The following AGBL4 variants were observed in gnomAD, a reference collection of about 807,000 sequenced individuals.
AGBL4 encodes the protein cytosolic carboxypeptidase 6.
Under a neutral mutation model 66.4 loss-of-function variants are expected in AGBL4, and 58 were observed. That is an observed-to-expected ratio of 0.87 (90% confidence interval 0.71 to 1.09). AGBL4 has a LOEUF of 1.09. Ranked by LOEUF, AGBL4 falls within the 50% of genes least tolerant of loss-of-function variation. The probability of loss-of-function intolerance (pLI) is 0.00; values close to 1 mark genes in which losing one functional copy is unlikely to be tolerated. For synonymous variants in AGBL4, 234 were observed against 222.9 expected (o/e 1.05, Z -0.44); for missense variants, 579 against 631.0 (o/e 0.92, Z 0.88).
intron 6 of AGBL4, among the ~76,000 whole-genome samples, chr1:48,825,351 A>T (rs1220585145): frequency 6.6e-6 from 1 of 152,120 alleles, no homozygotes; most frequent in Non-Finnish European, 1.5e-5. Flanking sequence ...ATGGTATCAG[A>T]GGTCTTAAGG....
At chr1:49,133,391 TA>T (rs1414355637) in intron 4 of AGBL4, among the ~76,000 whole-genome samples, 1 of 152,038 alleles carries the variant, frequency 6.6e-6, no homozygotes, top group African/African-American at 2.4e-5. Flanking sequence ...TCCCAGAACT[TA>T]AAATAAAAAA....
chr1:50,010,377 C>T (rs1488137566), intron 1 of AGBL4, among the ~76,000 whole-genome samples: 1 of 151,682 alleles, frequency 6.6e-6, no homozygotes, highest in Non-Finnish European at 1.5e-5. Context: ...CTATCCAAAG[C>T]AATCTACAGA....
intron 4 of AGBL4, among the ~76,000 whole-genome samples, chr1:49,154,032 A>T (rs952817795): frequency 9.2e-5 from 14 of 152,120 alleles, no homozygotes; most frequent in African/African-American, 3.4e-4. Context: ...GGTCTGTTTA[A>T]CTTCAAAGAC....
rs141329207 is a variant in AGBL4, at chr1:48,767,076, T to G, written c.634+100115A>C. 1.1e-3 allele frequency among the ~76,000 whole-genome samples: 171 copies of G among 152,296 alleles called. 1 individual carries two copies. Among genetic ancestry groups the G allele is most frequent in the African/African-American group, 3.6e-3 (151 of 41,556 alleles). ...ATAGAAGATTACTGAACATTCAGTG[T>G]CATCATAACAAATGGAAGAAATGGT... On this transcript the variant is annotated intron_variant, in intron 6 of 13. Coordinates refer to ENST00000371839, the MANE Select transcript of AGBL4 (RefSeq NM_032785.4).
chr1:49,047,326 T>C (rs892770575), intron 4 of AGBL4, among the ~76,000 whole-genome samples: 14 of 152,286 alleles, frequency 9.2e-5, no homozygotes, highest in East Asian at 3.9e-4. Context: ...ATGATAGATA[T>C]GCAGTCTAAG....
At chr1:48,566,378 A>ATT (rs1353531311) in intron 11 of AGBL4, among the ~76,000 whole-genome samples, 1 of 152,240 alleles carries the variant, frequency 6.6e-6, no homozygotes, top group Non-Finnish European at 1.5e-5. Context: ...AACTCTCAAT[A>ATT]AATAGTTGTT....
intron 4 of AGBL4, among the ~76,000 whole-genome samples, chr1:49,179,060 T>A (rs1330496816): frequency 6.6e-6 from 1 of 152,182 alleles, no homozygotes; most frequent in African/African-American, 2.4e-5. Flanking sequence ...TTTTTTAATT[T>A]TTCTCATAAA....
At chr1:49,240,196 T>G (rs1651109668) in intron 4 of AGBL4, among the ~76,000 whole-genome samples, 1 of 152,150 alleles carries the variant, frequency 6.6e-6, no homozygotes, top group Non-Finnish European at 1.5e-5. Context: ...TGTACATACC[T>G]CTATCACTGC....
intron 5 of AGBL4, among the ~76,000 whole-genome samples, chr1:48,955,606 C>A (rs1232973453): frequency 6.6e-6 from 1 of 152,196 alleles, no homozygotes; most frequent in Non-Finnish European, 1.5e-5. Flanking sequence ...CAGCCTCAAA[C>A]TCCTAGCCTC....
intron 2 of AGBL4, among the ~76,000 whole-genome samples, chr1:49,703,598 A>G (rs1381254171): frequency 6.6e-6 from 1 of 151,990 alleles, no homozygotes; most frequent in Non-Finnish European, 1.5e-5. Context: ...GCATGAAATG[A>G]AAACAAAAAT....
At chr1:49,439,883 T>C (rs1022970776) in intron 3 of AGBL4, among the ~76,000 whole-genome samples, 1 of 152,066 alleles carries the variant, frequency 6.6e-6, no homozygotes, top group Non-Finnish European at 1.5e-5. Flanking sequence ...GAAATACACT[T>C]TTCACATGTA....
chr1:49,173,775 G>T (rs527446194), intron 4 of AGBL4, among the ~76,000 whole-genome samples: 38 of 152,246 alleles, frequency 2.5e-4, no homozygotes, highest in African/African-American at 7.5e-4. Context: ...GAACCATGTG[G>T]ATCTCTTGGA....
chr1:48,549,406 G>T (rs1474064362), intron 11 of AGBL4, among the ~76,000 whole-genome samples: 1 of 152,182 alleles, frequency 6.6e-6, no homozygotes, highest in Non-Finnish European at 1.5e-5. Context: ...CTTTCCCATT[G>T]CAGGCAAGTC....
intron 5 of AGBL4, among the ~76,000 whole-genome samples, chr1:48,952,703 T>C (rs1255666310): frequency 2.6e-5 from 4 of 152,150 alleles, no homozygotes; most frequent in South Asian, 2.1e-4. Flanking sequence ...GTAATGTAGA[T>C]AGGTGGAAGA....
intron 3 of AGBL4, among the ~76,000 whole-genome samples, chr1:49,573,974 TA>T (rs1644385698): frequency 6.6e-6 from 1 of 152,164 alleles, no homozygotes; most frequent in Non-Finnish European, 1.5e-5. Context: ...TCTGAGGAGA[TA>T]AACCCTGTGC....
intron 4 of AGBL4, among the ~76,000 whole-genome samples, chr1:49,145,946 C>G (rs759736956): frequency 7.2e-5 from 11 of 152,138 alleles, no homozygotes; most frequent in Non-Finnish European, 1.2e-4. Context: ...GAGATCTTGT[C>G]ATTTGCAACG....
At chr1:49,167,867 G>A (rs1230728421) in intron 4 of AGBL4, among the ~76,000 whole-genome samples, 18 of 151,982 alleles carry the variant, frequency 1.2e-4, no homozygotes, top group Admixed American at 1.0e-3. Flanking sequence ...TTCTCTGCAG[G>A]TTCTGCATCC....
At chr1:48,879,037 C>A (rs1439632765) in intron 5 of AGBL4, among the ~76,000 whole-genome samples, 2 of 152,010 alleles carry the variant, frequency 1.3e-5, no homozygotes, top group East Asian at 3.9e-4. Context: ...TCTTTGTAAG[C>A]CTGGGACAGA....
chr1:48,684,781 A>T (rs555287442), intron 6 of AGBL4, among the ~76,000 whole-genome samples: 2 of 152,224 alleles, frequency 1.3e-5, no homozygotes, highest in East Asian at 3.9e-4. Context: ...ATTAAAAATA[A>T]GGAAAAGAGA....
Sources: gnomAD v4.1 joint callset for allele counts (sites outside exome capture counted in the v4.1 genomes callset) on GRCh38, gnomAD v4.1.1 for gene constraint, MANE v1.5 for transcripts, NCBI Gene and HGNC (gene_info 2026-07-23, HGNC 2026-07-21) for gene names.